Variants in RSPO2 observed in about 807,000 individuals in gnomAD.
The protein encoded by RSPO2 is R-spondin 2.
RSPO2 carries 14 observed loss-of-function variants against 30.9 expected under a neutral mutation model. The ratio of observed to expected loss-of-function variants is 0.45; its 90% confidence interval spans 0.30 to 0.71. The LOEUF is 0.71. RSPO2 is among the 30% of genes least tolerant of loss of function. The pLI is 0.08. For missense variants in RSPO2, 264 were observed against 301.9 expected (o/e 0.87, Z 0.93); for synonymous variants, 107 against 96.4 (o/e 1.11, Z -0.64).
At chr8:108,071,936 T>C (rs1812859059) in intron 2 of RSPO2, among the ~76,000 whole-genome samples, 1 of 152,124 alleles carries the variant, frequency 6.6e-6, no homozygotes, top group African/African-American at 2.4e-5. Context: ...CCCAATACAC[T>C]AGACCAGCAA....
intron 2 of RSPO2, among the ~76,000 whole-genome samples, chr8:108,062,678 T>C (rs909552155): frequency 6.6e-6 from 1 of 151,834 alleles, no homozygotes; most frequent in Non-Finnish European, 1.5e-5. Context: ...CCCTAACTCA[T>C]TTTATGAGGC....
At chr8:107,927,412 G>T (rs1285574584) in intron 5 of RSPO2, among the ~76,000 whole-genome samples, 1 of 152,060 alleles carries the variant, frequency 6.6e-6, no homozygotes, top group East Asian at 1.9e-4. Flanking sequence ...TGATTGCCCT[G>T]GCCAGAACTT....
At chr8:107,985,418 T>G (rs1814588332) in intron 3 of RSPO2, among the ~76,000 whole-genome samples, 1 of 151,310 alleles carries the variant, frequency 6.6e-6, no homozygotes, top group Non-Finnish European at 1.5e-5. Flanking sequence ...CAATAGGCAA[T>G]TAACTATAGT....
chr8:107,976,597 C>G (rs1412279143), intron 3 of RSPO2, among the ~76,000 whole-genome samples: 1 of 152,164 alleles, frequency 6.6e-6, no homozygotes, highest in African/African-American at 2.4e-5. Flanking sequence ...AATGTTAGAG[C>G]AATGATCTCA....
chr8:107,922,832 A>C (rs1812221996), intron 5 of RSPO2, among the ~76,000 whole-genome samples: 1 of 152,186 alleles, frequency 6.6e-6, no homozygotes, highest in Non-Finnish European at 1.5e-5. Flanking sequence ...AAAAACAAGC[A>C]ATGGAGACAG....
chr8:108,008,222 G>GA (rs1286638176), intron 2 of RSPO2, among the ~76,000 whole-genome samples: 1 of 152,048 alleles, frequency 6.6e-6, no homozygotes, highest in African/African-American at 2.4e-5. Flanking sequence ...TTTCCCTCTA[G>GA]AAAAATTTTA....
chr8:108,074,281 A>G (rs1441081631), intron 2 of RSPO2, among the ~76,000 whole-genome samples: 1 of 152,206 alleles, frequency 6.6e-6, no homozygotes, highest in African/African-American at 2.4e-5. Flanking sequence ...AGCTACCTAT[A>G]ATCACTTTCT....
intron 5 of RSPO2, among the ~76,000 whole-genome samples, chr8:107,948,199 C>T (rs1813128063): frequency 6.6e-6 from 1 of 152,150 alleles, no homozygotes; most frequent in African/African-American, 2.4e-5. Flanking sequence ...TATAAACTCT[C>T]TTGTTTGTAT....
chr8:108,050,097 G>GA (rs532350308), intron 2 of RSPO2, among the ~76,000 whole-genome samples: 296 of 152,172 alleles, frequency 1.9e-3, no homozygotes, highest in Admixed American at 3.7e-3. Context: ...GGGTTGGGGG[G>GA]AATCACAGAT....
intron 5 of RSPO2, among the ~76,000 whole-genome samples, chr8:107,903,396 C>CATAA (rs1811540279): frequency 6.6e-6 from 1 of 152,094 alleles, no homozygotes; most frequent in African/African-American, 2.4e-5. Context: ...ATATGTACTA[C>CATAA]TTTCACTAAC....
intron 5 of RSPO2, among the ~76,000 whole-genome samples, chr8:107,927,668 T>C (rs1220512914): frequency 6.6e-6 from 1 of 152,178 alleles, no homozygotes; most frequent in Non-Finnish European, 1.5e-5. Context: ...GTGGTTTTTG[T>C]CTTTGGTTCC....
At chr8:108,037,801 A>G (rs1811642776) in intron 2 of RSPO2, among the ~76,000 whole-genome samples, 1 of 152,200 alleles carries the variant, frequency 6.6e-6, no homozygotes, top group Admixed American at 6.5e-5. Flanking sequence ...AAGTGGAATA[A>G]CAAAACCTCC....
chr8:107,950,088 C>T (rs1395511494), intron 5 of RSPO2, among the ~76,000 whole-genome samples: 5 of 152,138 alleles, frequency 3.3e-5, no homozygotes, highest in African/African-American at 1.2e-4. Context: ...CCCTACTGAG[C>T]TTTTTTCTGT....
At chr8:108,002,899 A>G (rs10216740) in intron 2 of RSPO2, among the ~76,000 whole-genome samples, 2,207 of 152,294 alleles carry the variant, frequency 0.014, 61 homozygotes, top group African/African-American at 0.051. Context: ...ACAGACACCT[A>G]AAGTTGACAA....
At position 108,082,720 on chromosome 8, in the gene RSPO2, T is replaced by A; in HGVS notation, c.-82A>T. The A allele has an allele frequency of 2.5e-6, 3 of 1,203,036 alleles. No individual in the cohort carries two copies. The highest frequency in any genetic ancestry group is 3.6e-6 in the Non-Finnish European group (3 of 826,290). The allele number at this position is 1,203,036 out of a possible 1,614,324, so 74.5% of individuals were successfully genotyped here. On this transcript the variant is annotated 5_prime_UTR_variant, in exon 2 of 6. Transcript: ENST00000276659. ...CCCAAAGAGCCGGCGCCGGCCGCGC[T>A]GCTGGGGAGGACTCAGAGGGAGACT...
intron 2 of RSPO2, among the ~76,000 whole-genome samples, chr8:108,028,004 A>G (rs527402252): frequency 3.3e-5 from 5 of 152,288 alleles, no homozygotes; most frequent in Non-Finnish European, 1.5e-5. Flanking sequence ...CCAGCCCTAC[A>G]TGAAGCCATT....
rs373900990 is a variant in RSPO2 at position 107,942,523 on chromosome 8, C to T, written c.616+15557G>A. Among the ~76,000 whole-genome samples, 45 of 152,190 alleles carry T rather than the reference C, an allele frequency of 3.0e-4. 1 individual carries two copies. In the South Asian group the frequency reaches 9.3e-3, roughly 32 times the overall value. On this transcript the variant is annotated intron_variant, in intron 5 of 5. Coordinates refer to ENST00000276659, the MANE Select transcript of RSPO2 (RefSeq NM_178565.5). The stretch of plus-strand genomic sequence containing the variant: ...TTCTCTTATAGCACTGACTTTGTAG[C>T]CTGAAATAGCACTAGAAAGTAAAAA...
intron 5 of RSPO2, among the ~76,000 whole-genome samples, chr8:107,946,080 G>A (rs1466929548): frequency 1.3e-5 from 2 of 152,158 alleles, no homozygotes; most frequent in African/African-American, 4.8e-5. Flanking sequence ...GAAGATGTGT[G>A]GAGCACTGAG....
intron 5 of RSPO2, among the ~76,000 whole-genome samples, chr8:107,934,859 C>A (rs1476784438): frequency 6.6e-6 from 1 of 152,152 alleles, no homozygotes; most frequent in African/African-American, 2.4e-5. Flanking sequence ...TTATCACTTC[C>A]CCAATCAATA....
Sources: allele counts gnomAD v4.1 joint callset (sites outside exome capture counted in the v4.1 genomes callset), GRCh38; gene constraint gnomAD v4.1.1; transcripts MANE v1.5; gene names NCBI Gene and HGNC (gene_info 2026-07-23, HGNC 2026-07-21).